Variants in TPST1 observed in about 807,000 individuals in gnomAD.
The protein encoded by TPST1 is protein-tyrosine sulfotransferase 1.
A neutral mutation model predicts 34.8 loss-of-function variants in TPST1; 20 were observed. The ratio of observed to expected loss-of-function variants is 0.57; its 90% CI spans 0.40 to 0.84. The LOEUF is 0.84. TPST1 is among the 40% of genes least tolerant of loss of function. TPST1 has a pLI of 0.00. For synonymous variants in TPST1, 152 were observed against 159.4 expected (o/e 0.95, Z 0.35); for missense variants, 353 against 455.5 (o/e 0.78, Z 2.05).
intron 2 of TPST1, among the ~76,000 whole-genome samples, chr7:66,265,326 G>T (rs1666234517): frequency 6.6e-6 from 1 of 152,152 alleles, no homozygotes; most frequent in Admixed American, 6.5e-5. Context: ...AAAACAGGCA[G>T]GTCTCTTGAG....
chr7:66,355,461 C>T (rs1445332043), intron 4 of TPST1, among the ~76,000 whole-genome samples: 2 of 149,756 alleles, frequency 1.3e-5, no homozygotes, highest in African/African-American at 2.5e-5. Context: ...GGAAAGATTG[C>T]GAGACTCCCT....
At chr7:66,274,403 C>G (rs912602189) in intron 2 of TPST1, among the ~76,000 whole-genome samples, 1 of 151,448 alleles carries the variant, frequency 6.6e-6, no homozygotes, top group Non-Finnish European at 1.5e-5. Context: ...TCTCAAAGTG[C>G]TGGGATTACA....
chr7:66,258,188 C>A (rs577879981), intron 2 of TPST1, among the ~76,000 whole-genome samples: 3 of 151,818 alleles, frequency 2.0e-5, no homozygotes, highest in African/African-American at 7.3e-5. Flanking sequence ...TTTTGATTGT[C>A]TTTTCCCTCA....
chr7:66,308,007 T>A (rs1562837629), intron 3 of TPST1, among the ~76,000 whole-genome samples: 1 of 152,240 alleles, frequency 6.6e-6, no homozygotes, highest in African/African-American at 2.4e-5. Context: ...AACCTTATTC[T>A]AAGTTTCTGA....
chr7:66,251,411 T>G (rs1348457836), intron 2 of TPST1, among the ~76,000 whole-genome samples: 1 of 152,214 alleles, frequency 6.6e-6, no homozygotes, highest in Admixed American at 6.5e-5. Flanking sequence ...CGAACGCTTA[T>G]GCACTGTTCC....
intron 2 of TPST1, among the ~76,000 whole-genome samples, chr7:66,285,578 A>G (rs762470093): frequency 6.6e-6 from 1 of 152,162 alleles, no homozygotes; most frequent in Non-Finnish European, 1.5e-5. Flanking sequence ...TTATTCACTA[A>G]GAGGTTATAT....
chr7:66,231,641 C>T (rs1388955729), intron 1 of TPST1, among the ~76,000 whole-genome samples: 1 of 152,246 alleles, frequency 6.6e-6, no homozygotes, highest in African/African-American at 2.4e-5. Context: ...GAGTGCGGGG[C>T]CCGCCAAGTC....
intron 3 of TPST1, among the ~76,000 whole-genome samples, chr7:66,324,594 G>A (rs536737803): frequency 3.0e-4 from 45 of 152,086 alleles, no homozygotes; most frequent in African/African-American, 1.0e-3. Flanking sequence ...ATCACCTGAG[G>A]TCAGGAGTTC....
chr7:66,251,588 C>T (rs894161114), intron 2 of TPST1, among the ~76,000 whole-genome samples: 3 of 152,110 alleles, frequency 2.0e-5, no homozygotes, highest in East Asian at 1.9e-4. Context: ...AGTAAGCACC[C>T]GATTTGAATA....
rs189843156 is a variant in TPST1 at position 66,257,557 on chromosome 7, G to T, written c.845+16287G>T. Among the ~76,000 whole-genome samples the T allele has an allele frequency of 2.0e-3, 309 of 152,280 alleles. 4 individuals carry two copies. The highest frequency in any genetic ancestry group is 0.019 in the Admixed American group (297 of 15,292). ...CTGCCAGTAGAATTTTGGGAGTCTA[G>T]TGACCTCTTTTCGTGTTATACTATT... On this transcript the variant is annotated intron_variant, in intron 2 of 5. Transcript: ENST00000304842.
At chr7:66,331,851 G>T (rs1169968973) in intron 3 of TPST1, among the ~76,000 whole-genome samples, 14 of 151,988 alleles carry the variant, frequency 9.2e-5, no homozygotes, top group Admixed American at 8.5e-4. Context: ...AAAACAAATG[G>T]CATTAGATTC....
At chr7:66,331,908 C>T (rs1792002008) in intron 3 of TPST1, among the ~76,000 whole-genome samples, 1 of 152,212 alleles carries the variant, frequency 6.6e-6, no homozygotes, top group Admixed American at 6.5e-5. Context: ...TGAGGCATCT[C>T]GGTTGTTCTT....
intron 2 of TPST1, among the ~76,000 whole-genome samples, chr7:66,270,636 A>G (rs541814716): frequency 1.6e-4 from 25 of 152,316 alleles, no homozygotes; most frequent in African/African-American, 6.0e-4. Flanking sequence ...GAAGAACCCA[A>G]GCTATTTAGC....
chr7:66,345,676 TA>T (rs1459472818), intron 3 of TPST1, among the ~76,000 whole-genome samples: 8 of 152,122 alleles, frequency 5.3e-5, no homozygotes, highest in African/African-American at 1.9e-4. Flanking sequence ...TGTTTTTAAT[TA>T]TGTTTTTCAT....
rs1306405241 is a variant in TPST1, at chr7:66,228,586, T to TG, written c.-101-11737dup. On this transcript the variant is annotated intron_variant, in intron 1 of 5. Coordinates refer to ENST00000304842, the MANE Select transcript of TPST1 (RefSeq NM_003596.4). ...ATGGTTGAAATGAAATCAACCATAT[T>TG]GGATCCATAAGCTTATTGGATCCAT... 7.2e-5 allele frequency among the ~76,000 whole-genome samples: 11 copies of TG among 152,328 alleles called. No individual in the cohort carries two copies. The East Asian group carries it at 2.1e-3, about 29-fold the overall frequency.
At chr7:66,226,567 C>T (rs947959577) in intron 1 of TPST1, among the ~76,000 whole-genome samples, 25 of 151,872 alleles carry the variant, frequency 1.6e-4, no homozygotes, top group African/African-American at 6.0e-4. Context: ...CTTTGTTTTC[C>T]CTTTTTGGTA....
intron 1 of TPST1, among the ~76,000 whole-genome samples, chr7:66,229,388 G>A (rs1789731056): frequency 6.6e-6 from 1 of 152,160 alleles, no homozygotes; most frequent in African/African-American, 2.4e-5. Context: ...GGGATTACAG[G>A]CATGAGCCAC....
intron 3 of TPST1, among the ~76,000 whole-genome samples, chr7:66,308,158 G>T (rs1208763231): frequency 6.6e-6 from 1 of 152,168 alleles, no homozygotes; most frequent in Non-Finnish European, 1.5e-5. Context: ...TGGGCAACTT[G>T]GTAGCCAGTG....
chr7:66,358,510 C>G (rs1256955936), intron 5 of TPST1, among the ~76,000 whole-genome samples: 1 of 152,028 alleles, frequency 6.6e-6, no homozygotes, highest in Admixed American at 6.6e-5. Flanking sequence ...TCAAACCACT[C>G]TGGCAAGCTG....
Sources: gnomAD v4.1 joint callset for allele counts (sites outside exome capture counted in the v4.1 genomes callset) on GRCh38, gnomAD v4.1.1 for gene constraint, MANE v1.5 for transcripts, NCBI Gene and HGNC (gene_info 2026-07-23, HGNC 2026-07-21) for gene names.